Variants in SBF2 observed in about 807,000 individuals in gnomAD.
SBF2 encodes myotubularin-related protein 13.
Under a neutral mutation model 225.2 loss-of-function variants are expected in SBF2, and 112 were observed. The observed-to-expected ratio is 0.50, with a 90% CI of 0.43 to 0.58. The LOEUF (loss-of-function observed/expected upper bound fraction) is 0.58, where lower values mean the gene tolerates loss of function less well. SBF2 is among the 20% of genes least tolerant of loss of function. The probability of loss-of-function intolerance (pLI) is 0.00; values close to 1 mark genes in which losing one functional copy is unlikely to be tolerated. For synonymous variants in SBF2, 763 were observed against 773.3 expected, an observed-to-expected ratio of 0.99 and a Z score of 0.22; for missense variants, 1,996 against 2,206.2, an observed-to-expected ratio of 0.90 and a Z score of 1.91.
chr11:10,043,911 A>G (rs1425718434), intron 2 of SBF2, among the ~76,000 whole-genome samples: 2 of 152,238 alleles, frequency 1.3e-5, no homozygotes, highest in African/African-American at 4.8e-5. Flanking sequence ...CAAAGATGAA[A>G]TCTCAAGAGA....
intron 2 of SBF2, among the ~76,000 whole-genome samples, chr11:10,188,051 C>A (rs893941189): frequency 6.6e-6 from 1 of 152,148 alleles, no homozygotes; most frequent in African/African-American, 2.4e-5. Context: ...ATTAACTTCG[C>A]TCAAGGCTTT....
At chr11:10,235,264 G>A (rs1027017574) in intron 1 of SBF2, among the ~76,000 whole-genome samples, 6 of 152,152 alleles carry the variant, frequency 3.9e-5, no homozygotes, top group Admixed American at 2.0e-4. Flanking sequence ...GCCAGGCACG[G>A]TGGCTCACGA....
intron 1 of SBF2, among the ~76,000 whole-genome samples, chr11:10,203,724 G>A (rs1449084833): frequency 6.6e-6 from 1 of 151,910 alleles, no homozygotes; most frequent in Non-Finnish European, 1.5e-5. Flanking sequence ...CATATTTTCA[G>A]TAATATAAAT....
chr11:9,790,643 T>A lies in SBF2; in HGVS notation c.4611A>T (p.Lys1537Asn), dbSNP rs930093275. The change falls in exon 34 of 40, where the codon AAA (lysine) becomes AAT (asparagine). Residue 1537 changes from lysine (K) to asparagine (N), a missense_variant. Lys to Asn is a moderately conservative substitution (Grantham distance 94). Transcript: ENST00000256190. Reference sequence around the variant, plus strand: ...CAATACATTCCCAAATACAGACTCCTTTTTTGGCATGCTTTTCTCCTTTAT... The same window carrying A: ...CAATACATTCCCAAATACAGACTCCATTTTTGGCATGCTTTTCTCCTTTAT... ...FDDKGEKHAKKGVCIWECIDR... is the reference protein window; with the variant it reads ...FDDKGEKHAKNGVCIWECIDR... 6.3e-7 allele frequency: 1 copy of A among 1,583,120 alleles called. No homozygotes were observed. The highest frequency in any genetic ancestry group is 8.7e-7 in the Non-Finnish European group (1 of 1,153,348).
chr11:10,044,295 G>A (rs1949771294), intron 2 of SBF2, among the ~76,000 whole-genome samples: 1 of 150,994 alleles, frequency 6.6e-6, no homozygotes, highest in African/African-American at 2.4e-5. Flanking sequence ...TGAAAGACGG[G>A]ATATCAGTAC....
chr11:10,124,042 A>G (rs1015641784), intron 2 of SBF2, among the ~76,000 whole-genome samples: 2 of 152,224 alleles, frequency 1.3e-5, no homozygotes, highest in Non-Finnish European at 2.9e-5. Flanking sequence ...GGCCAACCTG[A>G]TAGCCAAAAT....
intron 33 of SBF2, chr11:9,791,249 A>G (rs532873503): frequency 6.6e-6 from 1 of 152,372 alleles, no homozygotes; most frequent in East Asian, 1.9e-4. Context: ...ACCTTTTTCA[A>G]ATAGTCAATC....
chr11:9,942,691 C>T (rs902160944), intron 16 of SBF2, among the ~76,000 whole-genome samples: 1 of 151,954 alleles, frequency 6.6e-6, no homozygotes, highest in Non-Finnish European at 1.5e-5. Context: ...ATTAGCCAGG[C>T]ATGGTGGCGT....
At chr11:10,012,671 C>T (rs1590753434) in intron 6 of SBF2, among the ~76,000 whole-genome samples, 1 of 151,498 alleles carries the variant, frequency 6.6e-6, no homozygotes, top group South Asian at 2.1e-4. Flanking sequence ...ATTTTTTTTT[C>T]CCCTGAGTAT....
chr11:10,099,154 T>C (rs1278020175), intron 2 of SBF2, among the ~76,000 whole-genome samples: 1 of 152,070 alleles, frequency 6.6e-6, no homozygotes, highest in Non-Finnish European at 1.5e-5. Context: ...AAAATTACAC[T>C]AAGACATGTG....
chr11:9,854,263 G>A (rs1260526885), intron 19 of SBF2, among the ~76,000 whole-genome samples: 1 of 152,164 alleles, frequency 6.6e-6, no homozygotes, highest in Non-Finnish European at 1.5e-5. Context: ...TGAGTTAACT[G>A]CAACCCATTT....
chr11:10,245,465 G>C (rs1959691532), intron 1 of SBF2, among the ~76,000 whole-genome samples: 1 of 152,002 alleles, frequency 6.6e-6, no homozygotes, highest in African/African-American at 2.4e-5. Flanking sequence ...CCTTATGTAA[G>C]AATGGCTATT....
chr11:9,941,113 C>A (rs1865223577), intron 16 of SBF2, among the ~76,000 whole-genome samples: 1 of 152,036 alleles, frequency 6.6e-6, no homozygotes, highest in Non-Finnish European at 1.5e-5. Flanking sequence ...AGTTCAAAAC[C>A]AGCCTGAGCA....
At chr11:10,264,873 T>C (rs1961818606) in intron 1 of SBF2, among the ~76,000 whole-genome samples, 1 of 152,056 alleles carries the variant, frequency 6.6e-6, no homozygotes, top group Non-Finnish European at 1.5e-5. Context: ...CTGAGAATGG[T>C]TTCCAGCTTC....
intron 26 of SBF2, among the ~76,000 whole-genome samples, chr11:9,833,026 T>C (rs1210255713): frequency 3.9e-5 from 6 of 152,250 alleles, no homozygotes; most frequent in African/African-American, 1.2e-4. Flanking sequence ...ATGTCAACTT[T>C]ATGAGAATGA....
chr11:10,153,795 T>C (rs1160845509), intron 2 of SBF2, among the ~76,000 whole-genome samples: 2 of 152,126 alleles, frequency 1.3e-5, no homozygotes, highest in Admixed American at 1.3e-4. Flanking sequence ...GGAAGTTTTA[T>C]AATTTTAGAG....
chr11:9,810,932 T>C (rs575623016), intron 30 of SBF2: 4 of 152,358 alleles, frequency 2.6e-5, no homozygotes, highest in Admixed American at 2.6e-4. Flanking sequence ...TGCTGTACTA[T>C]TCACAATAGC....
intron 29 of SBF2, among the ~76,000 whole-genome samples, chr11:9,814,097 A>G (rs986602882): frequency 6.6e-6 from 1 of 152,164 alleles, no homozygotes; most frequent in Non-Finnish European, 1.5e-5. Flanking sequence ...TGTGTGTGGT[A>G]TGAGTGTTGC....
chr11:10,072,259 A>G (rs1397956689), intron 2 of SBF2, among the ~76,000 whole-genome samples: 1 of 152,212 alleles, frequency 6.6e-6, no homozygotes, highest in East Asian at 1.9e-4. Flanking sequence ...TATAGTTCCT[A>G]AAGCCAAAAC....
Sources: allele counts gnomAD v4.1 joint callset (sites outside exome capture counted in the v4.1 genomes callset), GRCh38; gene constraint gnomAD v4.1.1; transcripts MANE v1.5; gene names NCBI Gene and HGNC (gene_info 2026-07-23, HGNC 2026-07-21).